Variants in NAALADL2 observed in about 807,000 individuals in gnomAD.
NAALADL2 encodes N-acetylated alpha-linked acidic dipeptidase like 2.
NAALADL2 carries 76 observed loss-of-function variants against 87.2 expected under a neutral mutation model. The ratio of observed to expected loss-of-function variants is 0.87; its 90% CI spans 0.72 to 1.05. The LOEUF (loss-of-function observed/expected upper bound fraction) is 1.05, where lower values mean the gene tolerates loss of function less well. Ranked by LOEUF, NAALADL2 falls within the 50% of genes least tolerant of loss-of-function variation. The pLI, the probability that NAALADL2 is intolerant of heterozygous loss-of-function variation, is 0.00. For synonymous variants in NAALADL2, 354 were observed against 331.0 expected, an observed-to-expected ratio of 1.07 and a Z score of -0.75; for missense variants, 1,089 against 945.8, an observed-to-expected ratio of 1.15 and a Z score of -1.99.
In NAALADL2 at chr3:175,667,241, A is replaced by AAAAGAAAG. The variant is rs1553945220; in HGVS notation, c.1896+39872_1896+39879dup. Among the ~76,000 whole-genome samples, 184 of 91,778 alleles carry AAAAGAAAG rather than the reference A, an allele frequency of 2.0e-3. 7 individuals carry two copies. The highest frequency in any genetic ancestry group is 8.6e-3 in the African/African-American group (169 of 19,712). The allele number at this position is 91,778 out of a possible 152,430, so 60.2% of individuals were successfully genotyped here. A position where few individuals can be genotyped will look rare whatever the true frequency, so the allele number is the denominator to read the frequency against. Reference sequence around the variant, plus strand: ...AAAGAAAGAAAGAAAGAAAGAAAGAAAAAGAAAGAAAGAAAGAAAGAAAGG... The same window carrying AAAAGAAAG: ...AAAGAAAGAAAGAAAGAAAGAAAGAAAAAGAAAGAAAGAAAGAAAGAAAGAAAGAAAGG... On this transcript the variant is annotated intron_variant, in intron 11 of 13. Coordinates refer to ENST00000454872, the MANE Select transcript of NAALADL2 (RefSeq NM_207015.3).
intron 1 of NAALADL2, among the ~76,000 whole-genome samples, chr3:174,965,035 C>T (rs1742672048): frequency 6.6e-6 from 1 of 151,964 alleles, no homozygotes; most frequent in Non-Finnish European, 1.5e-5. Context: ...CTCATTATTC[C>T]TACAAATTAG....
chr3:175,403,274 C>CT (rs367609169), intron 5 of NAALADL2, among the ~76,000 whole-genome samples: 17 of 152,048 alleles, frequency 1.1e-4, no homozygotes, highest in African/African-American at 2.2e-4. Context: ...ATTTCAGAGT[C>CT]TTTTTTTATT....
intron 1 of NAALADL2, among the ~76,000 whole-genome samples, chr3:174,506,029 G>A (rs533813593): frequency 2.6e-5 from 4 of 152,200 alleles, no homozygotes; most frequent in African/African-American, 9.6e-5. Flanking sequence ...GTGTGTGCAC[G>A]TATGTGTGTT....
At chr3:174,827,405 C>A (rs1722120662) in intron 3 of NAALADL2, among the ~76,000 whole-genome samples, 1 of 152,064 alleles carries the variant, frequency 6.6e-6, no homozygotes, top group South Asian at 2.1e-4. Flanking sequence ...TATTTTCTTG[C>A]CTTTTCCCCA....
At chr3:174,740,898 A>G (rs1733698197) in intron 3 of NAALADL2, among the ~76,000 whole-genome samples, 1 of 151,742 alleles carries the variant, frequency 6.6e-6, no homozygotes, top group Admixed American at 6.6e-5. Context: ...AGGAATTCTT[A>G]TTTTTATGAA....
chr3:175,768,187 A>G (rs1748999719), intron 13 of NAALADL2, among the ~76,000 whole-genome samples: 1 of 152,170 alleles, frequency 6.6e-6, no homozygotes, highest in African/African-American at 2.4e-5. Flanking sequence ...GATACTGCCT[A>G]TGAGAATTTT....
intron 3 of NAALADL2, among the ~76,000 whole-genome samples, chr3:174,738,852 GA>G (rs939692488): frequency 2.0e-5 from 3 of 152,074 alleles, no homozygotes; most frequent in East Asian, 1.9e-4. Flanking sequence ...TACATTTGGG[GA>G]AAAAATTACT....
intron 5 of NAALADL2, among the ~76,000 whole-genome samples, chr3:175,431,634 C>T (rs942745348): frequency 3.3e-5 from 5 of 151,910 alleles, no homozygotes; most frequent in African/African-American, 4.8e-5. Flanking sequence ...TTCACAGTAA[C>T]GTGTGGACTA....
At position 175,207,719 on chromosome 3, in the gene NAALADL2, C is replaced by T. The variant is rs139342945; in HGVS notation, c.546-26212C>T. The stretch of plus-strand genomic sequence containing the variant: ...GTTGAGTGTTGAAGACACATTAAGC[C>T]GAGTAAAGCTTATTAAATCTTCCTT... On this transcript the variant is annotated intron_variant, in intron 2 of 13. Coordinates refer to ENST00000454872, the MANE Select transcript of NAALADL2 (RefSeq NM_207015.3). 5.3e-5 allele frequency among the ~76,000 whole-genome samples: 8 copies of T among 152,004 alleles called. No homozygotes were observed. In the East Asian group the frequency reaches 1.5e-3, roughly 29 times the overall value.
intron 2 of NAALADL2, among the ~76,000 whole-genome samples, chr3:175,183,201 G>C (rs1408340626): frequency 1.3e-5 from 2 of 151,578 alleles, no homozygotes; most frequent in African/African-American, 4.8e-5. Flanking sequence ...ATGTTCTATA[G>C]TTTTCATTAT....
intron 11 of NAALADL2, among the ~76,000 whole-genome samples, chr3:175,731,431 A>C (rs1243901134): frequency 6.6e-6 from 1 of 152,174 alleles, no homozygotes; most frequent in Non-Finnish European, 1.5e-5. Context: ...TTGACATAGA[A>C]TATTAATTCC....
rs144064708 is a variant in NAALADL2 at position 175,223,714 on chromosome 3, T to C, written c.546-10217T>C. Among the ~76,000 whole-genome samples the C allele has an allele frequency of 5.9e-3, 896 of 152,298 alleles. 13 individuals carry two copies. The highest frequency in any genetic ancestry group is 0.02 in the African/African-American group (827 of 41,566). ...GTACATTAAAATATCATGAACTGTT[T>C]TGAATTAAAAAGAAAGATGTCAAAT... On this transcript the variant is annotated intron_variant, in intron 2 of 13. Coordinates refer to ENST00000454872, the MANE Select transcript of NAALADL2 (RefSeq NM_207015.3).
chr3:175,646,121 C>CT (rs1420362035), intron 11 of NAALADL2, among the ~76,000 whole-genome samples: 1 of 152,092 alleles, frequency 6.6e-6, no homozygotes, highest in East Asian at 1.9e-4. Context: ...AAGTCTCCAT[C>CT]TTTTTTGTCT....
chr3:175,257,371 G>GT (rs147239726), intron 4 of NAALADL2, among the ~76,000 whole-genome samples: 52,125 of 147,844 alleles, frequency 0.35, 9,407 homozygotes, highest in South Asian at 0.52. Flanking sequence ...TCCTATGTCT[G>GT]TTTTTTTTTT....
At chr3:175,337,662 A>C (rs1762129158) in intron 5 of NAALADL2, among the ~76,000 whole-genome samples, 1 of 152,174 alleles carries the variant, frequency 6.6e-6, no homozygotes, top group Non-Finnish European at 1.5e-5. Context: ...TGTTTTAAGC[A>C]TCTCACTCAG....
chr3:175,042,139 T>A (rs1038065558), intron 1 of NAALADL2, among the ~76,000 whole-genome samples: 1 of 152,180 alleles, frequency 6.6e-6, no homozygotes, highest in Non-Finnish European at 1.5e-5. Context: ...TTAGACTTTT[T>A]TTAGATTCCA....
intron 1 of NAALADL2, among the ~76,000 whole-genome samples, chr3:174,949,510 A>G (rs1032879672): frequency 6.6e-6 from 1 of 152,098 alleles, no homozygotes; most frequent in Non-Finnish European, 1.5e-5. Context: ...TATTGGTGTA[A>G]AAAAAACAAA....
chr3:175,392,175 C>T (rs1185215613), intron 5 of NAALADL2, among the ~76,000 whole-genome samples: 1 of 152,132 alleles, frequency 6.6e-6, no homozygotes, highest in African/African-American at 2.4e-5. Flanking sequence ...AATACTTGCT[C>T]AATGAAAGAA....
intron 1 of NAALADL2, among the ~76,000 whole-genome samples, chr3:175,080,530 A>G (rs945360353): frequency 1.3e-5 from 2 of 152,210 alleles, no homozygotes; most frequent in African/African-American, 4.8e-5. Flanking sequence ...ATATATCATA[A>G]TATAAGCTTA....
Sources: allele counts gnomAD v4.1 joint callset (sites outside exome capture counted in the v4.1 genomes callset), GRCh38; gene constraint gnomAD v4.1.1; transcripts MANE v1.5; gene names NCBI Gene and HGNC (gene_info 2026-07-23, HGNC 2026-07-21).